The following MAK variants were observed in gnomAD, a reference collection of about 807,000 sequenced individuals.
MAK encodes the protein serine/threonine-protein kinase MAK.
A neutral mutation model predicts 82.6 loss-of-function variants in MAK; 65 were observed. The ratio of observed to expected loss-of-function variants is 0.79; its 90% CI spans 0.64 to 0.97. The LOEUF is 0.97. Ranked by LOEUF, MAK falls within the 50% of genes least tolerant of loss-of-function variation. The pLI is 0.00. For synonymous variants in MAK, 250 were observed against 274.2 expected, an observed-to-expected ratio of 0.91 and a Z score of 0.87; for missense variants, 703 against 780.2, an observed-to-expected ratio of 0.90 and a Z score of 1.18.
rs1287046402 is a variant in MAK at position 10,775,406 on chromosome 6, G to A, written c.1519C>T (p.His507Tyr). Residue 507 changes from histidine (H) to tyrosine (Y), a missense_variant, in exon 12 of 15, where the codon CAC (histidine) becomes TAC (tyrosine). Transcript: ENST00000354489. ...LIASGKEINP[H>Y]TWSNQLFPKS... is the part of the protein sequence containing the mutation. ...GGGAATAACTGGTTGCTCCAAGTGT[G>A]GGGGTTTATTTCCTTTCCACTGGCT... 3 of 1,613,808 alleles carry A rather than the reference G, an allele frequency of 1.9e-6. No individual in the cohort carries two copies. The highest frequency in any genetic ancestry group is 1.3e-5 in the African/African-American group (1 of 74,916).
At chr6:10,820,957 TA>T (rs1461348708) in intron 2 of MAK, among the ~76,000 whole-genome samples, 1 of 152,210 alleles carries the variant, frequency 6.6e-6, no homozygotes, top group Non-Finnish European at 1.5e-5. Flanking sequence ...TTATTTATTT[TA>T]TTTTTTTTGA....
chr6:10,775,637 T>G (rs1773398127), intron 11 of MAK, among the ~76,000 whole-genome samples, 178 bp from the exon 12 acceptor site: 1 of 152,206 alleles, frequency 6.6e-6, no homozygotes, highest in Admixed American at 6.5e-5. Flanking sequence ...TACCAAGCCC[T>G]TAGCACAACC....
At position 10,808,921 on chromosome 6, in the gene MAK, T is replaced by A. The variant is rs1178198709; in HGVS notation, c.380A>T (p.Lys127Ile). 2 of 1,613,744 alleles carry A rather than the reference T, an allele frequency of 1.2e-6. No homozygotes were observed. ...ACCCATACAAAGCAAGTTTTCTGGT[T>A]TCATGTCCCTATGAAAAAAGCCTTG... Reference protein sequence around the residue: ...HKHGFFHRDMKPENLLCMGPE... With the variant: ...HKHGFFHRDMIPENLLCMGPE... Residue 127 changes from lysine (K) to isoleucine (I), a missense_variant, in exon 6 of 15, where the codon AAA becomes ATA. Physicochemically the swap from Lys to Ile is moderately radical, Grantham distance 102. Coordinates refer to ENST00000354489, the MANE Select transcript of MAK (RefSeq NM_001242957.3).
intron 7 of MAK, among the ~76,000 whole-genome samples, chr6:10,803,186 T>A (rs1014811530): frequency 2.0e-5 from 3 of 152,190 alleles, no homozygotes; most frequent in Non-Finnish European, 4.4e-5. Flanking sequence ...GCACCTGTTT[T>A]TCTTCAGCTG....
At chr6:10,798,706 C>A (rs936118966) in intron 8 of MAK, among the ~76,000 whole-genome samples, 1 of 151,860 alleles carries the variant, frequency 6.6e-6, no homozygotes, top group Admixed American at 6.6e-5. Flanking sequence ...TGAGATTTCT[C>A]CCAAATTATT....
intron 8 of MAK, chr6:10,797,814 C>A: frequency 7.8e-7 from 1 of 1,278,794 alleles, no homozygotes; most frequent in African/African-American, 1.5e-5. Flanking sequence ...TCTTCATATT[C>A]TACAACTTAA....
At position 10,807,563 on chromosome 6, in the gene MAK, A is replaced by G. The variant is rs1157234591; in HGVS notation, c.491+1247T>C. On this transcript the variant is annotated intron_variant, in intron 6 of 14. Transcript: ENST00000354489. ...GCCATGTTGGCCAGGCTGGTCTCGA[A>G]CTCCTGGTCTCAAGTGATCCCCCAC... is the stretch of plus-strand genomic sequence containing the variant. 2.7e-5 allele frequency among the ~76,000 whole-genome samples: 4 copies of G among 149,216 alleles called. No individual in the cohort carries two copies. In the East Asian group the frequency reaches 8.1e-4, roughly 30 times the overall value.
intron 10 of MAK, among the ~76,000 whole-genome samples, chr6:10,787,253 C>T (rs570093244): frequency 2.6e-5 from 4 of 151,942 alleles, no homozygotes; most frequent in Admixed American, 1.3e-4. Context: ...ACAAATCCAC[C>T]AATTCACCAA....
chr6:10,813,132 ATAAATTTTTTT>A (rs1777168577), intron 5 of MAK, among the ~76,000 whole-genome samples: 3 of 760 alleles, frequency 3.9e-3, no homozygotes, highest in South Asian at 0.062. Flanking sequence ...ATATATATAT[ATAAATTTTTTT>A]TTTTTTTTTT....
intron 11 of MAK, among the ~76,000 whole-genome samples, chr6:10,782,983 CTTGTTT>C (rs1554167637): frequency 6.6e-6 from 1 of 152,136 alleles, no homozygotes; most frequent in Non-Finnish European, 1.5e-5. Flanking sequence ...AACCTTTTCT[CTTGTTT>C]GCCATGCCCC....
chr6:10,764,705 T>C lies in MAK; in HGVS notation c.1793-99A>G, dbSNP rs545617516. 11 of 1,187,004 alleles carry C rather than the reference T, an allele frequency of 9.3e-6. No homozygotes were observed. In the East Asian group the frequency reaches 2.6e-4, roughly 28 times the overall value. The allele number at this position is 1,187,004 out of a possible 1,614,324, so 73.5% of individuals were successfully genotyped here. ...TCTCATTTGATGGGGAAAATCTGAA[T>C]TTATGTTTAAAAGATTAACTCAGTA... On this transcript the variant is annotated intron_variant, in intron 14 of 14. Coordinates refer to ENST00000354489, the MANE Select transcript of MAK (RefSeq NM_001242957.3).
At chr6:10,832,504 T>C (rs901262885) in intron 1 of MAK, among the ~76,000 whole-genome samples, 1 of 152,222 alleles carries the variant, frequency 6.6e-6, no homozygotes, top group East Asian at 1.9e-4. Context: ...ACCACCCTGA[T>C]CGGTCAGCAG....
Position 10,776,031 on chromosome 6 carries a change from G to A in MAK, c.1466-572C>T, listed in dbSNP as rs1283637745. Reference sequence around the variant, plus strand: ...TCAAACTCCTGGCCTCAAGTGATCCGTTCACCTTGGCCTCCCAAAGTGCTG... The same window carrying A: ...TCAAACTCCTGGCCTCAAGTGATCCATTCACCTTGGCCTCCCAAAGTGCTG... On this transcript the variant is annotated intron_variant, in intron 11 of 14. Transcript: ENST00000354489. The surrounding 1 kb of genome is among the most constrained non-coding windows in gnomAD (Gnocchi z 4.3). Among the ~76,000 whole-genome samples the A allele has an allele frequency of 6.6e-6, 1 of 152,072 alleles. No homozygotes were observed. Among genetic ancestry groups the A allele is most frequent in the Admixed American group, 6.6e-5 (1 of 15,258 alleles).
chr6:10,795,908 C>A (rs1189537269), intron 9 of MAK, 90 bp downstream of exon 9: 1 of 1,412,380 alleles, frequency 7.1e-7, no homozygotes, highest in Non-Finnish European at 1.0e-6. Flanking sequence ...TCTTTTATAT[C>A]TTTTCCAACA....
In MAK at chr6:10,803,544, C is replaced by CA. The variant is rs34500831; in HGVS notation, c.663+175dup. On this transcript the variant is annotated intron_variant, in intron 7 of 14. Coordinates refer to ENST00000354489, the MANE Select transcript of MAK (RefSeq NM_001242957.3). ...TGGGCAACAGAGCAAGACTCCATCTCAAAAAAAAAAAAAGAATTATAAGAA... is the reference window on the plus strand; with the variant it reads ...TGGGCAACAGAGCAAGACTCCATCTCAAAAAAAAAAAAAAGAATTATAAGAA... 0.67 allele frequency among the ~76,000 whole-genome samples: 90,466 copies of CA among 135,342 alleles called. 29,424 individuals carry two copies. The highest frequency in any genetic ancestry group is 0.8 in the African/African-American group (29,605 of 37,190). 88.8% of individuals were successfully genotyped at this position (135,342 alleles called of 152,430 possible).
chr6:10,787,284 C>T (rs1037203614), intron 10 of MAK, among the ~76,000 whole-genome samples: 1 of 152,184 alleles, frequency 6.6e-6, no homozygotes, highest in African/African-American at 2.4e-5. Context: ...ATTCACAAAT[C>T]CAACAATTCA....
intron 1 of MAK, among the ~76,000 whole-genome samples, chr6:10,833,438 C>T (rs983179295): frequency 6.6e-6 from 1 of 152,030 alleles, no homozygotes; most frequent in Non-Finnish European, 1.5e-5. Context: ...AACTTCATCT[C>T]TACTAAAAAT....
chr6:10,813,132 ATAAATTTTTTTTTT>A (rs1777169673), intron 5 of MAK, among the ~76,000 whole-genome samples: 20 of 762 alleles, frequency 0.026, 2 homozygotes, highest in African/African-American at 0.062. Flanking sequence ...ATATATATAT[ATAAATTTTTTTTTT>A]TTTTTTTTTT....
intron 2 of MAK, among the ~76,000 whole-genome samples, chr6:10,821,648 G>A (rs761846881): frequency 1.2e-4 from 18 of 152,154 alleles, no homozygotes; most frequent in Non-Finnish European, 1.6e-4. Context: ...AAGCTTCAGT[G>A]ATAACTGAAA....
Sources: allele counts gnomAD v4.1 joint callset (sites outside exome capture counted in the v4.1 genomes callset), GRCh38; gene constraint gnomAD v4.1.1; non-coding constraint Gnocchi (gnomAD v3.1); transcripts MANE v1.5; gene names NCBI Gene and HGNC (gene_info 2026-07-23, HGNC 2026-07-21).